Variants in MAP2 observed in about 807,000 individuals in gnomAD.
The protein encoded by MAP2 is microtubule associated protein 2.
Under a neutral mutation model 137.6 loss-of-function variants are expected in MAP2, and 14 were observed. The observed-to-expected ratio is 0.10, with a 90% CI of 0.07 to 0.16. The LOEUF (loss-of-function observed/expected upper bound fraction) is 0.16, where lower values mean the gene tolerates loss of function less well. Ranked by LOEUF, MAP2 falls within the 10% of genes least tolerant of loss-of-function variation. The pLI is 1.00. For synonymous variants in MAP2, 786 were observed against 782.3 expected, an observed-to-expected ratio of 1.00 and a Z score of -0.08; for missense variants, 2,088 against 2,191.5, an observed-to-expected ratio of 0.95 and a Z score of 0.94.
chr2:209,619,883 A>G (rs891359336), intron 3 of MAP2, among the ~76,000 whole-genome samples: 6 of 152,112 alleles, frequency 3.9e-5, no homozygotes, highest in African/African-American at 9.7e-5. Context: ...CTTGCATTTA[A>G]GCAACATGTT....
chr2:209,460,929 T>C (rs1188060006), intron 1 of MAP2, among the ~76,000 whole-genome samples: 2 of 151,932 alleles, frequency 1.3e-5, no homozygotes, highest in Admixed American at 1.3e-4. Flanking sequence ...TTGTATTTCT[T>C]GTAGAGACAG....
intron 2 of MAP2, among the ~76,000 whole-genome samples, chr2:209,516,636 G>C (rs2062554671): frequency 6.6e-6 from 1 of 152,122 alleles, no homozygotes; most frequent in Non-Finnish European, 1.5e-5. Flanking sequence ...ATGAGTCAGT[G>C]AGCAGGACGT....
At chr2:209,479,420 C>T (rs1384766531) in intron 1 of MAP2, among the ~76,000 whole-genome samples, 1 of 151,944 alleles carries the variant, frequency 6.6e-6, no homozygotes, top group Non-Finnish European at 1.5e-5. Flanking sequence ...TGTCATATTA[C>T]TATTTGCTTA....
At chr2:209,540,591 A>G (rs1319325002) in intron 2 of MAP2, among the ~76,000 whole-genome samples, 1 of 119,066 alleles carries the variant, frequency 8.4e-6, no homozygotes, top group South Asian at 2.9e-4. Flanking sequence ...AGATCGCGCC[A>G]TTGCACTCCA....
At position 209,543,854 on chromosome 2, in the gene MAP2, T is replaced by C. The variant is rs2067480883; in HGVS notation, c.-171-36182T>C. Among the ~76,000 whole-genome samples the C allele has an allele frequency of 3.3e-5, 5 of 152,196 alleles. 1 individual carries two copies. The highest frequency in any genetic ancestry group is 3.3e-4 in the Admixed American group (5 of 15,276). ...GTGAGGTCAAGTTTTATTTTGTACT[T>C]GTTTAAACAATTGTGTCATAAATCC... is the stretch of plus-strand genomic sequence containing the variant. On this transcript the variant is annotated intron_variant, in intron 2 of 15. Coordinates refer to ENST00000682079, the MANE Select transcript of MAP2 (RefSeq NM_001375505.1).
chr2:209,659,638 G>T (rs1204630124), intron 5 of MAP2, among the ~76,000 whole-genome samples: 1 of 152,042 alleles, frequency 6.6e-6, no homozygotes, highest in Non-Finnish European at 1.5e-5. Flanking sequence ...AGGCAATTTT[G>T]AGATGTTTAT....
chr2:209,562,230 A>G (rs1031721537), intron 2 of MAP2, among the ~76,000 whole-genome samples: 1 of 152,176 alleles, frequency 6.6e-6, no homozygotes, highest in Non-Finnish European at 1.5e-5. Flanking sequence ...GTGATTCTGG[A>G]TATTATACTT....
chr2:209,438,032 A>G (rs1408336522), intron 1 of MAP2, among the ~76,000 whole-genome samples: 3 of 151,624 alleles, frequency 2.0e-5, no homozygotes, highest in Non-Finnish European at 4.4e-5. Context: ...TGCAATTGCA[A>G]GGAAAGTACA....
At chr2:209,441,442 A>G (rs1348363559) in intron 1 of MAP2, among the ~76,000 whole-genome samples, 1 of 151,578 alleles carries the variant, frequency 6.6e-6, no homozygotes, top group Non-Finnish European at 1.5e-5. Flanking sequence ...AATGTCTTCC[A>G]CTTCAAATGT....
chr2:209,508,764 A>G (rs1218622806), intron 2 of MAP2, among the ~76,000 whole-genome samples: 1 of 152,058 alleles, frequency 6.6e-6, no homozygotes, highest in Non-Finnish European at 1.5e-5. Flanking sequence ...AATGTCTACA[A>G]GTATTGGTTT....
intron 2 of MAP2, among the ~76,000 whole-genome samples, chr2:209,557,298 T>G (rs921621295): frequency 6.6e-6 from 1 of 152,246 alleles, no homozygotes; most frequent in African/African-American, 2.4e-5. Flanking sequence ...GACTAAACTT[T>G]AGTCCAGTAT....
At chr2:209,627,254 CA>C (rs2092459993) in intron 4 of MAP2, among the ~76,000 whole-genome samples, 1 of 151,756 alleles carries the variant, frequency 6.6e-6, no homozygotes, top group Admixed American at 6.6e-5. Flanking sequence ...AATTTTTTTT[CA>C]AAATGTTTTC....
chr2:209,476,351 A>C (rs1450204956), intron 1 of MAP2, among the ~76,000 whole-genome samples: 1 of 151,970 alleles, frequency 6.6e-6, no homozygotes, highest in Non-Finnish European at 1.5e-5. Context: ...GAAAGTGGTA[A>C]ATTAGTCAAA....
intron 5 of MAP2, among the ~76,000 whole-genome samples, chr2:209,671,863 T>C (rs1204803678): frequency 6.6e-6 from 1 of 151,732 alleles, no homozygotes; most frequent in African/African-American, 2.4e-5. Context: ...AACCACAGGG[T>C]ACGAATTCAA....
chr2:209,640,734 A>G (rs2093956001), intron 4 of MAP2, among the ~76,000 whole-genome samples: 1 of 152,098 alleles, frequency 6.6e-6, no homozygotes, highest in African/African-American at 2.4e-5. Flanking sequence ...GGCACACAAC[A>G]AATGGTATCC....
chr2:209,490,575 TGGAG>T (rs1576129428), intron 1 of MAP2, among the ~76,000 whole-genome samples: 1 of 93,042 alleles, frequency 1.1e-5, no homozygotes, highest in East Asian at 3.2e-4. Context: ...AATAAAGGGA[TGGAG>T]GAAGATTTAC....
intron 3 of MAP2, among the ~76,000 whole-genome samples, chr2:209,606,730 A>G (rs2084902602): frequency 1.3e-5 from 2 of 152,160 alleles, no homozygotes. Context: ...GATAGTTGAG[A>G]TCATGTTTAT....
At chr2:209,622,244 G>A (rs1408066921) in intron 3 of MAP2, among the ~76,000 whole-genome samples, 1 of 152,166 alleles carries the variant, frequency 6.6e-6, no homozygotes, top group Non-Finnish European at 1.5e-5. Context: ...GTACTTTGTA[G>A]GTAATTCTAG....
chr2:209,568,725 T>C (rs1239885191), intron 2 of MAP2, among the ~76,000 whole-genome samples: 1 of 151,924 alleles, frequency 6.6e-6, no homozygotes, highest in African/African-American at 2.4e-5. Context: ...TTTCATGAAA[T>C]TGTAATGGCC....
Sources: gnomAD v4.1 joint callset for allele counts (sites outside exome capture counted in the v4.1 genomes callset) on GRCh38, gnomAD v4.1.1 for gene constraint, MANE v1.5 for transcripts, NCBI Gene and HGNC (gene_info 2026-07-23, HGNC 2026-07-21) for gene names.